Variants in FRYL observed in about 807,000 individuals in gnomAD.
FRYL encodes FRY like transcription coactivator.
In FRYL, 150 loss-of-function variants were observed where a neutral mutation model predicts 351.2. The observed-to-expected ratio is 0.43, with a 90% CI of 0.37 to 0.49. FRYL has a LOEUF of 0.49. Ranked by LOEUF, FRYL falls within the 20% of genes least tolerant of loss-of-function variation. The pLI, the probability that FRYL is intolerant of heterozygous loss-of-function variation, is 0.00. For missense variants in FRYL, 3,036 were observed against 3,619.3 expected, an observed-to-expected ratio of 0.84 and a Z score of 4.13; for synonymous variants, 1,153 against 1,257.1, an observed-to-expected ratio of 0.92 and a Z score of 1.75.
intron 62 of FRYL, 63 bp downstream of exon 62, chr4:48,501,560 T>C (rs772042474): frequency 1.1e-6 from 1 of 879,170 alleles, no homozygotes; most frequent in South Asian, 1.4e-5. Context: ...TAACAAGTAA[T>C]AGATTTTATT....
chr4:48,681,881 T>C (rs1266928986), intron 3 of FRYL, among the ~76,000 whole-genome samples: 1 of 152,184 alleles, frequency 6.6e-6, no homozygotes, highest in East Asian at 1.9e-4. Context: ...CTGAGCACCC[T>C]ACAAAATATT....
In FRYL at chr4:48,603,400, A is replaced by G. The variant is rs778253723; in HGVS notation, c.835-12T>C. On this transcript the variant is annotated splice_polypyrimidine_tract_variant and intron_variant, in intron 11 of 63. Coordinates refer to ENST00000358350, the MANE Select transcript of FRYL (RefSeq NM_015030.2). ...TCATTTTTAACAGCCTAGTAAAAAG[A>G]TAATGCAAACAAAGAAAATGATACA... 6.7e-7 allele frequency: 1 copy of G among 1,488,744 alleles called. No homozygotes were observed. Among genetic ancestry groups the G allele is most frequent in the South Asian group, 1.2e-5 (1 of 86,154 alleles). 92.2% of individuals were successfully genotyped at this position (1,488,744 alleles called of 1,614,324 possible).
rs1753821746 is a variant in FRYL, at chr4:48,634,357, C to G, written c.54G>C (p.Lys18Asn). 1 of 1,613,518 alleles carries G rather than the reference C, an allele frequency of 6.2e-7. No individual in the cohort carries two copies. The highest frequency in any genetic ancestry group is 8.5e-7 in the Non-Finnish European group (1 of 1,179,676). The change falls in exon 4 of 64, where the codon AAG (lysine) becomes AAC (asparagine). Residue 18 changes from lysine (K) to asparagine (N), a missense_variant. Around this residue, in one of 7 missense-constraint regions of FRYL, gnomAD observed 457 missense variants for 566.6 expected, o/e 0.81. Coordinates refer to ENST00000358350, the MANE Select transcript of FRYL (RefSeq NM_015030.2). Reference protein sequence around the residue: ...PDVKPGEYVIKSLFAEFAVQA... With the variant: ...PDVKPGEYVINSLFAEFAVQA... ...GAACAGCAAATTCTGCAAAGAGGCT[C>G]TTGATGACATATTCACCAGGTTTGA... is the stretch of plus-strand genomic sequence containing the variant.
rs538415183 is a variant in FRYL, at chr4:48,750,092, C to T, written c.-384+29986G>A. 6.7e-5 allele frequency among the ~76,000 whole-genome samples: 10 copies of T among 149,138 alleles called. No homozygotes were observed. In the Admixed American group the frequency reaches 6.7e-4, roughly 10 times the overall value. Reference sequence around the variant, plus strand: ...AAGGCTACAGTAAGCTGTGATCATACCACTGCACTCCAGCCTGGTTGATAG... The same window carrying T: ...AAGGCTACAGTAAGCTGTGATCATATCACTGCACTCCAGCCTGGTTGATAG... On this transcript the variant is annotated intron_variant, in intron 1 of 63. Transcript: ENST00000358350.
intron 55 of FRYL, among the ~76,000 whole-genome samples, chr4:48,519,248 C>G (rs916869120): frequency 8.5e-5 from 13 of 152,106 alleles, no homozygotes; most frequent in African/African-American, 2.9e-4. Context: ...TCCTATTGCT[C>G]TTCCTCTCCC....
At position 48,540,421 on chromosome 4, in the gene FRYL, G is replaced by A; in HGVS notation, c.6227C>T (p.Thr2076Ile). 6.2e-7 allele frequency: 1 copy of A among 1,613,788 alleles called. No homozygotes were observed. The highest frequency in any genetic ancestry group is 8.5e-7 in the Non-Finnish European group (1 of 1,179,736). ...GFTSASTQEMTVHLLSKLISV... is the reference protein window; with the variant it reads ...GFTSASTQEMIVHLLSKLISV... ...AATGAGTTTACTGAGGAGGTGCACG[G>A]TCATTTCTTGTGTAGATGCTGAGGT... Residue 2076 changes from threonine (T) to isoleucine (I), a missense_variant, in exon 46 of 64, where the codon ACC (threonine) becomes ATC (isoleucine). Physicochemically the swap from Thr to Ile is moderately conservative, Grantham distance 89. This residue lies in a region of FRYL where 1,987 missense variants were observed against 2,311.7 expected (regional missense o/e 0.86). Transcript: ENST00000358350.
At position 48,579,247 on chromosome 4, in the gene FRYL, T is replaced by C. The variant is rs756609014; in HGVS notation, c.2260-6A>G. On this transcript the variant is annotated splice_region_variant and splice_polypyrimidine_tract_variant and intron_variant, in intron 22 of 63. Transcript: ENST00000358350. Reference sequence around the variant, plus strand: ...GGGCAATAGAGCAAAGTAGTCTATATGGAGAGGAAAAAATTGATTATTACA... The same window carrying C: ...GGGCAATAGAGCAAAGTAGTCTATACGGAGAGGAAAAAATTGATTATTACA... The C allele has an allele frequency of 5.7e-6, 9 of 1,577,162 alleles. No individual in the cohort carries two copies. The South Asian group carries it at 5.9e-5, about 10-fold the overall frequency.
In FRYL at chr4:48,524,123, AT is replaced by A. The variant is rs921289219; in HGVS notation, c.7318-1020del. On this transcript the variant is annotated intron_variant, in intron 53 of 63. Transcript: ENST00000358350. Reference sequence around the variant, plus strand: ...ATATTGAGCTGGCTACCAAAATATGATTTTTTTTTTCTGTATCCCTTTACAC... The same window carrying A: ...ATATTGAGCTGGCTACCAAAATATGATTTTTTTTTCTGTATCCCTTTACAC... 8.8e-5 allele frequency among the ~76,000 whole-genome samples: 13 copies of A among 147,306 alleles called. No individual in the cohort carries two copies. The East Asian group carries it at 1.6e-3, about 18-fold the overall frequency.
At chr4:48,701,904 A>G (rs1422717472) in intron 2 of FRYL, among the ~76,000 whole-genome samples, 2 of 152,202 alleles carry the variant, frequency 1.3e-5, no homozygotes, top group African/African-American at 4.8e-5. Context: ...TGTCTTATAA[A>G]CATATTTTTG....
At chr4:48,753,090 C>T (rs1217830047) in intron 1 of FRYL, among the ~76,000 whole-genome samples, 1 of 152,134 alleles carries the variant, frequency 6.6e-6, no homozygotes, top group Non-Finnish European at 1.5e-5. Flanking sequence ...TGATTTTTAA[C>T]AACTGATGGA....
In FRYL at chr4:48,634,500, A is replaced by G; in HGVS notation, c.-80-10T>C. On this transcript the variant is annotated splice_polypyrimidine_tract_variant and intron_variant, in intron 3 of 63. Coordinates refer to ENST00000358350, the MANE Select transcript of FRYL (RefSeq NM_015030.2). Reference sequence around the variant, plus strand: ...CTGACTGGCGCTGAAGCTAAAAGTAAAAGAAACAAAAGAACTCTACTTTAA... The same window carrying G: ...CTGACTGGCGCTGAAGCTAAAAGTAGAAGAAACAAAAGAACTCTACTTTAA... 1 of 1,598,944 alleles carries G rather than the reference A, an allele frequency of 6.3e-7. No individual in the cohort carries two copies. The highest frequency in any genetic ancestry group is 1.3e-5 in the African/African-American group (1 of 74,512).
intron 1 of FRYL, among the ~76,000 whole-genome samples, chr4:48,753,813 T>A (rs1578929440): frequency 6.6e-6 from 1 of 152,206 alleles, no homozygotes; most frequent in African/African-American, 2.4e-5. Flanking sequence ...ATGTATGGTA[T>A]GAGAAAATAA....
Position 48,576,213 on chromosome 4 carries a change from G to C in FRYL, c.2538C>G (p.Ile846Met), listed in dbSNP as rs917254538. The C allele has an allele frequency of 6.3e-7, 1 of 1,598,278 alleles. No homozygotes were observed. Among genetic ancestry groups the C allele is most frequent in the Non-Finnish European group, 8.5e-7 (1 of 1,173,462 alleles). ...TGGTGGTATTTACTTTCTTAGCATTGATGGGGCTACTAAGGAAAAAAAAAG... is the reference window on the plus strand; with the variant it reads ...TGGTGGTATTTACTTTCTTAGCATTCATGGGGCTACTAAGGAAAAAAAAAG... ...LSPQVDINSPINAKKVNTTTS... is the reference protein window; with the variant it reads ...LSPQVDINSPMNAKKVNTTTS... Residue 846 changes from isoleucine (I) to methionine (M), a missense_variant, in exon 24 of 64, where the codon ATC becomes ATG. Coordinates refer to ENST00000358350, the MANE Select transcript of FRYL (RefSeq NM_015030.2).
At chr4:48,669,448 A>G (rs1762281297) in intron 3 of FRYL, among the ~76,000 whole-genome samples, 2 of 152,086 alleles carry the variant, frequency 1.3e-5, no homozygotes, top group African/African-American at 4.8e-5. Context: ...ATCAACTGAT[A>G]TGACAAATGG....
rs1456544189 is a variant in FRYL at position 48,517,437 on chromosome 4, C to T, written c.7690-2162G>A. Among the ~76,000 whole-genome samples, 12 of 152,218 alleles carry T rather than the reference C, an allele frequency of 7.9e-5. No individual in the cohort carries two copies. The East Asian group carries it at 1.3e-3, about 17-fold the overall frequency. On this transcript the variant is annotated intron_variant, in intron 55 of 63. Coordinates refer to ENST00000358350, the MANE Select transcript of FRYL (RefSeq NM_015030.2). Reference sequence around the variant, plus strand: ...ATTTTCTAGTAATGCCTACATATCACGAAGAAAGTGCTTTTGGGGCTGTTA... The same window carrying T: ...ATTTTCTAGTAATGCCTACATATCATGAAGAAAGTGCTTTTGGGGCTGTTA...
chr4:48,633,362 C>A (rs1332149156), intron 4 of FRYL, among the ~76,000 whole-genome samples: 2 of 152,152 alleles, frequency 1.3e-5, no homozygotes, highest in African/African-American at 2.4e-5. Context: ...CCCTTGAAAT[C>A]ATCATTTGCT....
chr4:48,579,547 A>AC (rs1740414475), intron 22 of FRYL, among the ~76,000 whole-genome samples: 1 of 152,178 alleles, frequency 6.6e-6, no homozygotes, highest in Admixed American at 6.5e-5. Flanking sequence ...TTCATCGTAT[A>AC]CCAAAAGCTG....
chr4:48,597,267 T>C (rs189269510), intron 13 of FRYL, among the ~76,000 whole-genome samples: 2 of 152,240 alleles, frequency 1.3e-5, no homozygotes, highest in Admixed American at 1.3e-4. Flanking sequence ...GAGAAATGAA[T>C]AGGCAAAGCA....
At chr4:48,548,856 G>A in intron 39 of FRYL, 63 bp from the exon 40 acceptor site, 1 of 935,210 alleles carries the variant, frequency 1.1e-6, no homozygotes, top group Non-Finnish European at 1.6e-6. Context: ...AGAGAATTTG[G>A]TACAAAATTA....
Sources: allele counts gnomAD v4.1 joint callset (sites outside exome capture counted in the v4.1 genomes callset), GRCh38; gene constraint gnomAD v4.1.1; regional missense constraint gnomAD v4.1.1; transcripts MANE v1.5; gene names NCBI Gene and HGNC (gene_info 2026-07-23, HGNC 2026-07-21).